The following SMARCA2 variants were observed in gnomAD, a reference collection of about 807,000 sequenced individuals.
The protein encoded by SMARCA2 is SWI/SNF-related matrix-associated actin-dependent regulator of chromatin subfamily A member 2.
A neutral mutation model predicts 199.8 loss-of-function variants in SMARCA2; 61 were observed. That is an observed-to-expected ratio of 0.31 (90% confidence interval 0.25 to 0.38). The LOEUF is 0.38. Among genes scored for constraint, SMARCA2 ranks in the 10% least tolerant of loss-of-function variants. SMARCA2 has a pLI of 1.00. For synonymous variants in SMARCA2, 935 were observed against 732.0 expected (o/e 1.28, Z -4.48); for missense variants, 1,344 against 2,012.2 (o/e 0.67, Z 6.35).
chr9:2,191,523 C>T, intron 33 of SMARCA2, 115 bp downstream of exon 33: 1 of 1,144,066 alleles, frequency 8.7e-7, no homozygotes, highest in Non-Finnish European at 1.3e-6. Flanking sequence ...CTGGAAATGT[C>T]AGGATTTAGT....
At chr9:2,059,699 T>C (rs752766237) in intron 8 of SMARCA2, among the ~76,000 whole-genome samples, 3 of 152,196 alleles carry the variant, frequency 2.0e-5, no homozygotes, top group Non-Finnish European at 2.9e-5. Flanking sequence ...ATTAGAGTTA[T>C]AATAGCATTT....
intron 9 of SMARCA2, among the ~76,000 whole-genome samples, chr9:2,066,018 A>G (rs1017344005): frequency 6.6e-6 from 1 of 152,360 alleles, no homozygotes; most frequent in Admixed American, 6.5e-5. Context: ...CTAATTTCAT[A>G]TCCCTGGGCA....
At chr9:2,106,454 C>G (rs1272044969) in intron 23 of SMARCA2, among the ~76,000 whole-genome samples, 1 of 152,178 alleles carries the variant, frequency 6.6e-6, no homozygotes, top group African/African-American at 2.4e-5. Flanking sequence ...AGCAAATTGC[C>G]TAACATGTTA....
At position 2,186,165 on chromosome 9, in the gene SMARCA2, G is replaced by C. The variant is rs754784283; in HGVS notation, c.4531G>C (p.Glu1511Gln). ...CCGGCAGAAAATTGCCAAAGAGGAA[G>C]AGAGTGAGGATGAAAGCAATGAAGA... ...SARQKIAKEE[E>Q]SEDESNEEEE... Residue 1511 changes from glutamate (E) to glutamine (Q), a missense_variant, in exon 32 of 34, where the codon GAG becomes CAG. By Grantham distance (29) the Glu-to-Gln change is conservative. Transcript: ENST00000349721. 1 of 1,613,984 alleles carries C rather than the reference G, an allele frequency of 6.2e-7. No homozygotes were observed. Among genetic ancestry groups the C allele is most frequent in the African/African-American group, 1.3e-5 (1 of 74,934 alleles).
At chr9:2,093,163 T>C (rs995331916) in intron 19 of SMARCA2, among the ~76,000 whole-genome samples, 1 of 152,172 alleles carries the variant, frequency 6.6e-6, no homozygotes, top group Non-Finnish European at 1.5e-5. Flanking sequence ...AATAATAGTG[T>C]GGCAATGCAA....
chr9:2,059,203 C>G (rs898218229), intron 8 of SMARCA2, among the ~76,000 whole-genome samples: 5 of 152,106 alleles, frequency 3.3e-5, no homozygotes, highest in Non-Finnish European at 5.9e-5. Flanking sequence ...TATAGGAGAC[C>G]TGCAGATTCT....
chr9:2,158,397 G>T lies in SMARCA2; in HGVS notation c.3982-3289G>T, dbSNP rs1825486339. The T allele has an allele frequency of 2.0e-5, 3 of 153,160 alleles. No homozygotes were observed. The Admixed American group carries it at 2.0e-4, about 10-fold the overall frequency. 9.5% of individuals were successfully genotyped at this position (153,160 alleles called of 1,614,324 possible). ...TAGTTGTGTTTCACCGTCTCGGTAG[G>T]GAAGGAAAGTGTTAATTTCTTATTT... On this transcript the variant is annotated intron_variant, in intron 27 of 33. Coordinates refer to ENST00000349721, the MANE Select transcript of SMARCA2 (RefSeq NM_003070.5).
chr9:2,058,114 A>C (rs1820434767), intron 7 of SMARCA2, 177 bp from the exon 8 acceptor site: 2 of 592,132 alleles, frequency 3.4e-6, no homozygotes, highest in Non-Finnish European at 6.0e-6. Flanking sequence ...CTTTCCCACC[A>C]GCCCCATGGC....
At chr9:2,111,533 A>G (rs1321395901) in intron 24 of SMARCA2, among the ~76,000 whole-genome samples, 4 of 151,226 alleles carry the variant, frequency 2.6e-5, no homozygotes, top group Non-Finnish European at 4.4e-5. Flanking sequence ...GAAAATGGCA[A>G]CTCTCACGTA....
rs748745946 is a variant in SMARCA2, at chr9:2,056,872, C to A, written c.1347+27C>A. 2 of 1,603,662 alleles carry A rather than the reference C, an allele frequency of 1.2e-6. No homozygotes were observed. Among genetic ancestry groups the A allele is most frequent in the Non-Finnish European group, 8.5e-7 (1 of 1,174,430 alleles). On this transcript the variant is annotated intron_variant, in intron 7 of 33. Coordinates refer to ENST00000349721, the MANE Select transcript of SMARCA2 (RefSeq NM_003070.5). The surrounding 1 kb of genome is among the most constrained non-coding windows in gnomAD (Gnocchi z 4.0). ...TTCTTAGACCCTGGGCTTTGCTCACCCTCACTTTGGCAGAGCTGTCCAATG... is the reference window on the plus strand; with the variant it reads ...TTCTTAGACCCTGGGCTTTGCTCACACTCACTTTGGCAGAGCTGTCCAATG...
intron 21 of SMARCA2, among the ~76,000 whole-genome samples, chr9:2,099,684 T>C (rs1310137850): frequency 6.6e-6 from 1 of 152,204 alleles, no homozygotes; most frequent in Non-Finnish European, 1.5e-5. Context: ...TTGACAACTA[T>C]GGAACAGAGA....
intron 27 of SMARCA2, among the ~76,000 whole-genome samples, chr9:2,152,403 A>G (rs906442268): frequency 2.6e-5 from 4 of 152,104 alleles, no homozygotes; most frequent in African/African-American, 9.7e-5. Flanking sequence ...AAAATACAAG[A>G]TTAGCCAGGT....
intron 29 of SMARCA2, among the ~76,000 whole-genome samples, chr9:2,177,769 C>G (rs1486991562): frequency 1.3e-5 from 2 of 152,126 alleles, no homozygotes; most frequent in African/African-American, 2.4e-5. Context: ...TCAGGCTGGT[C>G]TCGAACTCCT....
intron 9 of SMARCA2, among the ~76,000 whole-genome samples, chr9:2,062,602 G>A (rs1453226785): frequency 6.6e-6 from 1 of 152,192 alleles, no homozygotes; most frequent in Admixed American, 6.5e-5. Flanking sequence ...TATTCTGCAT[G>A]ATCTGTAAGT....
chr9:2,169,098 G>T lies in SMARCA2; in HGVS notation c.4200-1321G>T, dbSNP rs891897389. On this transcript the variant is annotated intron_variant, in intron 28 of 33. Transcript: ENST00000349721. This position sits in a 1 kb window ranked among gnomAD's most constrained non-coding sequence, Gnocchi z 6.5. ...AAATAATGAAGACTTTCCCAATTCT[G>T]TGCCTTATTGCTGACACTCAGAGTC... Among the ~76,000 whole-genome samples the T allele has an allele frequency of 6.6e-6, 1 of 152,212 alleles. No individual in the cohort carries two copies. The highest frequency in any genetic ancestry group is 2.1e-4 in the South Asian group (1 of 4,820).
At chr9:2,124,023 C>T in intron 27 of SMARCA2, 86 bp downstream of exon 27, 1 of 1,084,648 alleles carries the variant, frequency 9.2e-7, no homozygotes, top group Non-Finnish European at 1.4e-6. Context: ...CTGGGATTTT[C>T]TGAGGAGGTT....
At chr9:2,183,990 G>A (rs1267282087) in intron 31 of SMARCA2, among the ~76,000 whole-genome samples, 7 of 152,096 alleles carry the variant, frequency 4.6e-5, no homozygotes, top group African/African-American at 1.2e-4. Flanking sequence ...CCTCTTGACT[G>A]GTTTCTCCCC....
At position 2,119,204 on chromosome 9, in the gene SMARCA2, A is replaced by G. The variant is rs1823342842; in HGVS notation, c.3685-254A>G. ...AGTAACTTGTTGTAAAAGTAACAGAATCAAGATACACATCCAGGAGAACTC... is the reference window on the plus strand; with the variant it reads ...AGTAACTTGTTGTAAAAGTAACAGAGTCAAGATACACATCCAGGAGAACTC... On this transcript the variant is annotated intron_variant, in intron 25 of 33. Transcript: ENST00000349721. This position sits in a 1 kb window ranked among gnomAD's most constrained non-coding sequence, Gnocchi z 4.6. 6.6e-6 allele frequency among the ~76,000 whole-genome samples: 1 copy of G among 152,246 alleles called. No individual in the cohort carries two copies. The highest frequency in any genetic ancestry group is 1.5e-5 in the Non-Finnish European group (1 of 68,040).
At chr9:2,108,797 C>T (rs189757968) in intron 23 of SMARCA2, among the ~76,000 whole-genome samples, 1 of 152,248 alleles carries the variant, frequency 6.6e-6, no homozygotes, top group East Asian at 1.9e-4. Flanking sequence ...AAAAAGAGCC[C>T]CACATTTGAA....
Sources: allele counts gnomAD v4.1 joint callset (sites outside exome capture counted in the v4.1 genomes callset), GRCh38; gene constraint gnomAD v4.1.1; non-coding constraint Gnocchi (gnomAD v3.1); transcripts MANE v1.5; gene names NCBI Gene and HGNC (gene_info 2026-07-23, HGNC 2026-07-21).